CSRNP3: variants seen among roughly 807,000 people sequenced by gnomAD.
CSRNP3 encodes cysteine/serine-rich nuclear protein 3.
Under a neutral mutation model 48.0 loss-of-function variants are expected in CSRNP3, and 12 were observed. The observed-to-expected ratio is 0.25, with a 90% CI of 0.16 to 0.41. The LOEUF is 0.41. CSRNP3 is among the 10% of genes least tolerant of loss of function. The pLI, the probability that CSRNP3 is intolerant of heterozygous loss-of-function variation, is 1.00. For synonymous variants in CSRNP3, 263 were observed against 269.7 expected (o/e 0.98, Z 0.24); for missense variants, 580 against 724.4 (o/e 0.80, Z 2.29).
rs1313170916 is a variant in CSRNP3 at position 165,682,911 on chromosome 2, CT to C, written c.*3161del. 1 of 152,164 alleles carries C rather than the reference CT, an allele frequency of 6.6e-6. No homozygotes were observed. Among genetic ancestry groups the C allele is most frequent in the Non-Finnish European group, 1.5e-5 (1 of 68,020 alleles). 9.4% of individuals were successfully genotyped at this position (152,164 alleles called of 1,614,324 possible). On this transcript the variant is annotated 3_prime_UTR_variant, in exon 7 of 7. Transcript: ENST00000651982. ...ATAGTATATCTAGCCAAACTGTAGTCTTTGACACACAACTTTTTAGTCATTC... is the reference window on the plus strand; with the variant it reads ...ATAGTATATCTAGCCAAACTGTAGTCTTGACACACAACTTTTTAGTCATTC...
At chr2:165,557,334 G>A (rs763266180) in intron 3 of CSRNP3, among the ~76,000 whole-genome samples, 5 of 152,136 alleles carry the variant, frequency 3.3e-5, no homozygotes, top group Non-Finnish European at 5.9e-5. Context: ...TACTTGTGAC[G>A]GCAACCATAT....
At chr2:165,487,322 G>T (rs1159640756) in intron 1 of CSRNP3, among the ~76,000 whole-genome samples, 1 of 140,030 alleles carries the variant, frequency 7.1e-6, no homozygotes, top group East Asian at 2.1e-4. Context: ...CGTCTGATTG[G>T]TGTACCTGAA....
chr2:165,577,928 T>A (rs1046391610), intron 3 of CSRNP3, among the ~76,000 whole-genome samples: 3 of 151,982 alleles, frequency 2.0e-5, no homozygotes, highest in Non-Finnish European at 2.9e-5. Flanking sequence ...ACACACAAAA[T>A]AAGCAAAATT....
chr2:165,543,332 C>T (rs1684982352), intron 3 of CSRNP3, among the ~76,000 whole-genome samples: 1 of 151,772 alleles, frequency 6.6e-6, no homozygotes, highest in Admixed American at 6.6e-5. Context: ...CCATGGCATG[C>T]AAATTAAAAA....
intron 5 of CSRNP3, among the ~76,000 whole-genome samples, chr2:165,673,690 A>G (rs1414502231): frequency 6.6e-6 from 1 of 152,178 alleles, no homozygotes; most frequent in African/African-American, 2.4e-5. Context: ...GATTTCATAT[A>G]TTATCTGATA....
chr2:165,523,416 C>T (rs1455931892), intron 3 of CSRNP3, among the ~76,000 whole-genome samples: 1 of 152,132 alleles, frequency 6.6e-6, no homozygotes, highest in Non-Finnish European at 1.5e-5. Context: ...CTCTTCAACT[C>T]ATTCAAGCTC....
intron 4 of CSRNP3, 88 bp downstream of exon 4, chr2:165,595,301 C>A: frequency 8.0e-7 from 1 of 1,255,014 alleles, no homozygotes; most frequent in Non-Finnish European, 1.1e-6. Context: ...TTCATGCTAG[C>A]TATATATATT....
chr2:165,492,114 C>G (rs1251005811), intron 1 of CSRNP3, among the ~76,000 whole-genome samples: 1 of 152,096 alleles, frequency 6.6e-6, no homozygotes, highest in African/African-American at 2.4e-5. Context: ...CTCTTCAGCC[C>G]TGTGACTTGT....
intron 3 of CSRNP3, among the ~76,000 whole-genome samples, chr2:165,527,127 G>C (rs1684742172): frequency 6.6e-6 from 1 of 150,958 alleles, no homozygotes; most frequent in Non-Finnish European, 1.5e-5. Context: ...TGATTAGGGA[G>C]CTATCTGAAA....
intron 3 of CSRNP3, among the ~76,000 whole-genome samples, chr2:165,548,609 A>G (rs1215011491): frequency 2.6e-5 from 4 of 152,098 alleles, no homozygotes; most frequent in Non-Finnish European, 4.4e-5. Flanking sequence ...TGTGTATAAC[A>G]TAAACACTTC....
chr2:165,664,336 C>A (rs1038354038), intron 5 of CSRNP3, among the ~76,000 whole-genome samples: 3 of 152,144 alleles, frequency 2.0e-5, no homozygotes, highest in Non-Finnish European at 4.4e-5. Context: ...TCTTATTGAA[C>A]AATTCTGGTG....
chr2:165,607,695 T>C (rs1362155308), intron 4 of CSRNP3, among the ~76,000 whole-genome samples: 1 of 152,128 alleles, frequency 6.6e-6, no homozygotes, highest in East Asian at 1.9e-4. Flanking sequence ...AAGAAAAATA[T>C]GTAGGTTTGC....
Position 165,680,041 on chromosome 2 carries a change from A to G in CSRNP3, c.*288A>G, listed in dbSNP as rs1180629523. Reference sequence around the variant, plus strand: ...CTGTCAAACTGTGTGAAACCTGCCAATCTGTGTAGATCAGAGCTCCAAATT... The same window carrying G: ...CTGTCAAACTGTGTGAAACCTGCCAGTCTGTGTAGATCAGAGCTCCAAATT... On this transcript the variant is annotated 3_prime_UTR_variant, in exon 7 of 7. Transcript: ENST00000651982. The G allele has an allele frequency of 9.5e-6, 3 of 314,290 alleles. No individual in the cohort carries two copies. The highest frequency in any genetic ancestry group is 5.8e-5 in the East Asian group (1 of 17,182). The allele number at this position is 314,290 out of a possible 1,614,324, so 19.5% of individuals were successfully genotyped here.
chr2:165,596,695 C>T (rs975782984), intron 4 of CSRNP3, among the ~76,000 whole-genome samples: 3 of 151,702 alleles, frequency 2.0e-5, no homozygotes, highest in African/African-American at 7.3e-5. Context: ...GCTTTTGACT[C>T]AGAAGAAGAG....
At chr2:165,561,159 T>A (rs1207409637) in intron 3 of CSRNP3, among the ~76,000 whole-genome samples, 3 of 152,206 alleles carry the variant, frequency 2.0e-5, no homozygotes, top group Admixed American at 2.0e-4. Flanking sequence ...TCAGAATACT[T>A]GAGTTGAAAA....
intron 3 of CSRNP3, among the ~76,000 whole-genome samples, chr2:165,547,145 A>G (rs1210706227): frequency 6.6e-6 from 1 of 152,156 alleles, no homozygotes; most frequent in Non-Finnish European, 1.5e-5. Context: ...AAACATACTG[A>G]TGAACCTCAT....
At chr2:165,601,668 C>G (rs1264491936) in intron 4 of CSRNP3, among the ~76,000 whole-genome samples, 1 of 151,636 alleles carries the variant, frequency 6.6e-6, no homozygotes, top group Admixed American at 6.6e-5. Context: ...TTCCTTGTCT[C>G]CCTCCCTCCC....
intron 1 of CSRNP3, among the ~76,000 whole-genome samples, chr2:165,481,213 T>C (rs566748255): frequency 1.3e-5 from 2 of 152,156 alleles, no homozygotes; most frequent in East Asian, 3.9e-4. Flanking sequence ...ACGTTAATAG[T>C]GGAGAAACTG....
At chr2:165,602,615 G>A (rs556398004) in intron 4 of CSRNP3, among the ~76,000 whole-genome samples, 1 of 152,302 alleles carries the variant, frequency 6.6e-6, no homozygotes, top group East Asian at 1.9e-4. Context: ...CCTGTTGTCT[G>A]ATACAATAGA....
Sources: gnomAD v4.1 joint callset for allele counts (sites outside exome capture counted in the v4.1 genomes callset) on GRCh38, gnomAD v4.1.1 for gene constraint, MANE v1.5 for transcripts, NCBI Gene and HGNC (gene_info 2026-07-23, HGNC 2026-07-21) for gene names.